PLEKHG5: variants seen among roughly 807,000 people sequenced by gnomAD.
The protein encoded by PLEKHG5 is pleckstrin homology and RhoGEF domain containing G5.
PLEKHG5 carries 52 observed loss-of-function variants against 103.8 expected under a neutral mutation model. The observed-to-expected ratio is 0.50, with a 90% confidence interval of 0.40 to 0.63. The LOEUF (loss-of-function observed/expected upper bound fraction) is 0.63. Ranked by LOEUF, PLEKHG5 falls within the 30% of genes least tolerant of loss-of-function variation. The pLI is 0.00. For missense variants in PLEKHG5, 1,205 were observed against 1,347.6 expected, an observed-to-expected ratio of 0.89 and a Z score of 1.66; for synonymous variants, 592 against 575.5, an observed-to-expected ratio of 1.03 and a Z score of -0.41.
chr1:6,489,502 C>T (rs894091982), intron 1 of PLEKHG5, among the ~76,000 whole-genome samples: 1 of 152,210 alleles, frequency 6.6e-6, no homozygotes, highest in African/African-American at 2.4e-5. Flanking sequence ...GGCTAGTATG[C>T]CCAAGGCTGG....
chr1:6,484,760 C>CG (rs1306508065), intron 1 of PLEKHG5, among the ~76,000 whole-genome samples: 6 of 152,046 alleles, frequency 3.9e-5, no homozygotes, highest in South Asian at 2.1e-4. Flanking sequence ...CACCAGGGTC[C>CG]GGGGGGGAAT....
At chr1:6,484,248 C>T (rs559847623) in intron 1 of PLEKHG5, among the ~76,000 whole-genome samples, 30 of 152,314 alleles carry the variant, frequency 2.0e-4, no homozygotes, top group Non-Finnish European at 1.5e-4. Flanking sequence ...TTGAAAGCCT[C>T]GAGATCAGTT....
chr1:6,471,417 C>A, intron 12 of PLEKHG5, 71 bp downstream of exon 12: 1 of 1,503,372 alleles, frequency 6.7e-7, no homozygotes, highest in Non-Finnish European at 9.0e-7. Flanking sequence ...CAGACCGGAT[C>A]GGGCCGTGGA....
chr1:6,494,399 G>A (rs1292494269), upstream of PLEKHG5, among the ~76,000 whole-genome samples: 1 of 152,002 alleles, frequency 6.6e-6, no homozygotes, highest in Non-Finnish European at 1.5e-5. Context: ...CCAAAGTGCT[G>A]GGGTTACAGG....
At chr1:6,497,482 G>C, upstream of PLEKHG5, 1 of 194,012 alleles carries the variant, frequency 5.2e-6, no homozygotes, top group Non-Finnish European at 9.4e-6. This position sits in a 1 kb window ranked among gnomAD's most constrained non-coding sequence, Gnocchi z 6.1. Context: ...CCTCGGGGGC[G>C]GGGGGCGGGG....
chr1:6,506,585 A>C (rs1638329730), intron 1 of PLEKHG5, among the ~76,000 whole-genome samples: 1 of 152,058 alleles, frequency 6.6e-6, no homozygotes. Context: ...CTGACCTGTG[A>C]CCCCGCTCCC....
intron 16 of PLEKHG5, 34 bp from the exon 17 acceptor site, chr1:6,469,710 C>A: frequency 1.2e-6 from 2 of 1,607,620 alleles, no homozygotes; most frequent in Non-Finnish European, 1.7e-6. Flanking sequence ...GCCAGAGAGG[C>A]CAGCAGGGTC....
At chr1:6,492,949 T>G (rs1029167268), upstream of PLEKHG5, among the ~76,000 whole-genome samples, 6 of 129,778 alleles carry the variant, frequency 4.6e-5, no homozygotes, top group Non-Finnish European at 7.5e-5. Context: ...TTGCCCCTTA[T>G]AGCCCCCAAT....
chr1:6,471,015 T>A lies in PLEKHG5; in HGVS notation c.1367A>T (p.Asn456Ile). ...MEYMRGLLRDNDLFRAYITWA... is the reference protein window; with the variant it reads ...MEYMRGLLRDIDLFRAYITWA... ...CGTGATGTAGGCCCGGAAGAGGTCG[T>A]TGTCGCGCAGCAGGCCGCGCATGTA... The change falls in exon 13 of 21, where the codon AAC becomes ATC. Residue 456 changes from asparagine to isoleucine, a missense_variant. Asn to Ile is a moderately radical substitution (Grantham distance 149). Coordinates refer to ENST00000377728, the MANE Select transcript of PLEKHG5 (RefSeq NM_020631.6). 1 of 1,603,016 alleles carries A rather than the reference T, an allele frequency of 6.2e-7. No homozygotes were observed. The highest frequency in any genetic ancestry group is 8.5e-7 in the Non-Finnish European group (1 of 1,175,368).
At chr1:6,474,309 A>G in intron 6 of PLEKHG5, 142 bp downstream of exon 6, 1 of 716,298 alleles carries the variant, frequency 1.4e-6, no homozygotes, top group Non-Finnish European at 2.0e-6. Flanking sequence ...CCCCTCCCCC[A>G]GCAGCATCCA....
At chr1:6,499,293 CCTGA>C (rs1278247689), upstream of PLEKHG5, among the ~76,000 whole-genome samples, 1 of 152,196 alleles carries the variant, frequency 6.6e-6, no homozygotes, top group African/African-American at 2.4e-5. Flanking sequence ...CACCATCGGG[CCTGA>C]CTATCCTGTG....
upstream of PLEKHG5, among the ~76,000 whole-genome samples, chr1:6,497,594 G>A (rs1224561654): frequency 1.3e-5 from 2 of 151,978 alleles, no homozygotes; most frequent in African/African-American, 4.8e-5. This position sits in a 1 kb window ranked among gnomAD's most constrained non-coding sequence, Gnocchi z 6.1. Flanking sequence ...TCCACCTCCC[G>A]GAGGGCGGGC....
intron 3 of PLEKHG5, 117 bp downstream of exon 3, chr1:6,475,814 G>A: frequency 1.1e-6 from 1 of 921,540 alleles, no homozygotes; most frequent in East Asian, 2.4e-5. Context: ...GTGGGAAGAG[G>A]TCTGCCCATC....
At chr1:6,496,290 C>G (rs1466909384), upstream of PLEKHG5, among the ~76,000 whole-genome samples, 1 of 152,224 alleles carries the variant, frequency 6.6e-6, no homozygotes, top group Non-Finnish European at 1.5e-5. Flanking sequence ...TGTAGAAGTC[C>G]CCCGACTCCA....
chr1:6,497,420 C>T (rs1210896172), upstream of PLEKHG5: 2 of 949,276 alleles, frequency 2.1e-6, no homozygotes, highest in Non-Finnish European at 2.5e-6. The surrounding 1 kb of genome is among the most constrained non-coding windows in gnomAD (Gnocchi z 6.1). Context: ...GCCGGACCCT[C>T]GCACGGGAGG....
chr1:6,481,855 A>AT (rs1644911009), intron 1 of PLEKHG5, among the ~76,000 whole-genome samples: 1 of 144,260 alleles, frequency 6.9e-6, no homozygotes, highest in Non-Finnish European at 1.5e-5. Context: ...CAGGGAAGAC[A>AT]TTATCTTAAA....
At position 6,471,639 on chromosome 1, in the gene PLEKHG5, T is replaced by G. The variant is rs1557742277; in HGVS notation, c.1132-2A>C. The G allele has an allele frequency of 6.3e-7, 1 of 1,581,944 alleles. No individual in the cohort carries two copies. The highest frequency in any genetic ancestry group is 1.1e-5 in the South Asian group (1 of 87,298). On this transcript the variant is annotated splice_acceptor_variant, in intron 11 of 20. Coordinates refer to ENST00000377728, the MANE Select transcript of PLEKHG5 (RefSeq NM_020631.6). LOFTEE classifies it high-confidence loss of function. ...GCTGAACAGGCGCTCCGCCTCCACC[T>G]GGGCGCGGCGGGAGGTGCGGTTGGC...
At chr1:6,518,520 T>C (rs1184629342) in intron 1 of PLEKHG5, among the ~76,000 whole-genome samples, 1 of 147,060 alleles carries the variant, frequency 6.8e-6, no homozygotes, top group African/African-American at 2.5e-5. Context: ...TATCGCACCA[T>C]TGCACTCCAG....
In PLEKHG5 at chr1:6,473,231, G is replaced by C; in HGVS notation, c.795+20C>G. Reference sequence around the variant, plus strand: ...CATGGCCAGCCAGCTGCCTGACCCTGGGCAGATGGGGCCACATACCCGGCC... The same window carrying C: ...CATGGCCAGCCAGCTGCCTGACCCTCGGCAGATGGGGCCACATACCCGGCC... On this transcript the variant is annotated intron_variant, in intron 8 of 20. Transcript: ENST00000377728. The C allele has an allele frequency of 6.2e-7, 1 of 1,612,396 alleles. No homozygotes were observed. Among genetic ancestry groups the C allele is most frequent in the Non-Finnish European group, 8.5e-7 (1 of 1,179,450 alleles).
Sources: allele counts gnomAD v4.1 joint callset (sites outside exome capture counted in the v4.1 genomes callset), GRCh38; gene constraint gnomAD v4.1.1; non-coding constraint Gnocchi (gnomAD v3.1); transcripts MANE v1.5; gene names NCBI Gene and HGNC (gene_info 2026-07-23, HGNC 2026-07-21).